The following SWT1 variants were observed in gnomAD, a reference collection of about 807,000 sequenced individuals.
SWT1 encodes SWT1 RNA endoribonuclease homolog, also known as transcriptional protein SWT1.
A neutral mutation model predicts 107.3 loss-of-function variants in SWT1; 33 were observed. The ratio of observed to expected loss-of-function variants is 0.31; its 90% CI spans 0.23 to 0.41. The LOEUF is 0.41. SWT1 is among the 10% of genes least tolerant of loss of function. SWT1 has a pLI of 1.00. For missense variants in SWT1, 898 were observed against 1,028.9 expected, an observed-to-expected ratio of 0.87 and a Z score of 1.74; for synonymous variants, 345 against 348.3, an observed-to-expected ratio of 0.99 and a Z score of 0.11.
chr1:185,184,395 T>C, intron 8 of SWT1, 51 bp downstream of exon 8: 2 of 1,092,440 alleles, frequency 1.8e-6, no homozygotes, highest in Non-Finnish European at 2.7e-6. Context: ...TGAGTTGATA[T>C]TTTATATTAA....
chr1:185,163,353 C>T (rs1654313622), intron 2 of SWT1, among the ~76,000 whole-genome samples: 1 of 149,928 alleles, frequency 6.7e-6, no homozygotes, highest in Admixed American at 6.6e-5. Context: ...AAACCAGTTT[C>T]ATTGCTCATT....
chr1:185,233,495 G>C (rs1660638517), intron 16 of SWT1, among the ~76,000 whole-genome samples: 1 of 152,152 alleles, frequency 6.6e-6, no homozygotes, highest in Admixed American at 6.5e-5. Context: ...ATTCTGGTAT[G>C]TTGTGTCTTT....
intron 14 of SWT1, among the ~76,000 whole-genome samples, chr1:185,215,054 T>C (rs1340244097): frequency 6.6e-6 from 1 of 152,248 alleles, no homozygotes; most frequent in Non-Finnish European, 1.5e-5. Context: ...TTGACAGTGT[T>C]ACTTGGTAAT....
intron 18 of SWT1, among the ~76,000 whole-genome samples, chr1:185,286,970 T>TA: frequency 6.6e-6 from 1 of 152,226 alleles, no homozygotes; most frequent in Non-Finnish European, 1.5e-5. Flanking sequence ...TATACTGCTT[T>TA]TATATTTGTA....
intron 10 of SWT1, among the ~76,000 whole-genome samples, chr1:185,191,767 A>AT (rs1354753615): frequency 6.6e-6 from 1 of 151,888 alleles, no homozygotes; most frequent in African/African-American, 2.4e-5. Flanking sequence ...TTATGTAATT[A>AT]TTTTTTTAGT....
chr1:185,281,152 C>T (rs776420504), intron 18 of SWT1: 9 of 248,294 alleles, frequency 3.6e-5, no homozygotes, highest in African/African-American at 1.1e-4. Context: ...TGGCACCACA[C>T]AGGCCATAAA....
intron 10 of SWT1, among the ~76,000 whole-genome samples, chr1:185,195,930 C>T (rs1188484387): frequency 6.6e-6 from 1 of 151,894 alleles, no homozygotes; most frequent in African/African-American, 2.4e-5. Context: ...AAATTTCTCA[C>T]ATTCTGTAGG....
chr1:185,284,321 T>C (rs1479690583), intron 18 of SWT1, among the ~76,000 whole-genome samples: 3 of 152,246 alleles, frequency 2.0e-5, no homozygotes, highest in Non-Finnish European at 4.4e-5. Flanking sequence ...TTTCTGTTAT[T>C]AGAATTCTTT....
At chr1:185,203,361 C>T (rs978543214) in intron 11 of SWT1, among the ~76,000 whole-genome samples, 2 of 152,116 alleles carry the variant, frequency 1.3e-5, no homozygotes, top group Admixed American at 6.6e-5. Context: ...CACTGGCTTA[C>T]GCCTGTAATC....
rs1281314646 is a variant in SWT1 at position 185,186,287 on chromosome 1, C to T, written c.1429+1356C>T. Among the ~76,000 whole-genome samples, 4 of 152,082 alleles carry T rather than the reference C, an allele frequency of 2.6e-5. 1 individual carries two copies. Among genetic ancestry groups the T allele is most frequent in the South Asian group, 4.1e-4 (2 of 4,834 alleles). On this transcript the variant is annotated intron_variant, in intron 9 of 18. Transcript: ENST00000367500. ...TCACTTCTAAGTTTAGAAAGTTACT[C>T]TCTCCCAACCCACTAGGAAGATTCA...
chr1:185,235,060 G>A (rs1660767947), intron 16 of SWT1, among the ~76,000 whole-genome samples: 1 of 152,140 alleles, frequency 6.6e-6, no homozygotes, highest in Admixed American at 6.5e-5. Context: ...TGAAATTGAG[G>A]CAGCAATTAA....
At chr1:185,185,165 G>A (rs977485643) in intron 9 of SWT1, among the ~76,000 whole-genome samples, 10 of 152,132 alleles carry the variant, frequency 6.6e-5, no homozygotes, top group Admixed American at 5.9e-4. Flanking sequence ...CTGTATAGTT[G>A]TGTATGCATA....
intron 16 of SWT1, among the ~76,000 whole-genome samples, chr1:185,234,600 G>A (rs1660730633): frequency 5.9e-5 from 9 of 152,044 alleles, no homozygotes. Flanking sequence ...GGGTCATTTA[G>A]CCCATTTACA....
chr1:185,161,092 A>G (rs1282716822), intron 2 of SWT1, among the ~76,000 whole-genome samples, 167 bp downstream of exon 2: 6 of 152,198 alleles, frequency 3.9e-5, no homozygotes, highest in Non-Finnish European at 7.4e-5. Flanking sequence ...TGTTTTATTT[A>G]TTCCTCACAA....
chr1:185,206,177 T>C (rs944514836), intron 12 of SWT1, among the ~76,000 whole-genome samples: 17 of 152,174 alleles, frequency 1.1e-4, no homozygotes, highest in Non-Finnish European at 5.9e-5. Context: ...CAGGCTGGTC[T>C]CGAACTCCTG....
intron 7 of SWT1, among the ~76,000 whole-genome samples, chr1:185,183,437 T>C (rs1656195346): frequency 6.6e-6 from 1 of 151,898 alleles, no homozygotes; most frequent in African/African-American, 2.4e-5. Flanking sequence ...ACTACAGGCG[T>C]GTGCCACCAT....
At chr1:185,210,520 A>G (rs1427364910) in intron 13 of SWT1, among the ~76,000 whole-genome samples, 3 of 152,152 alleles carry the variant, frequency 2.0e-5, no homozygotes, top group Admixed American at 6.5e-5. Context: ...GAAACTAGGT[A>G]TTGATGGAAC....
chr1:185,249,154 C>T (rs577090186), intron 16 of SWT1, among the ~76,000 whole-genome samples: 1 of 152,266 alleles, frequency 6.6e-6, no homozygotes, highest in African/African-American at 2.4e-5. Flanking sequence ...TCAAGTGAAA[C>T]GCCAATATGT....
chr1:185,191,309 A>T (rs958711626), intron 10 of SWT1, among the ~76,000 whole-genome samples: 1 of 152,176 alleles, frequency 6.6e-6, no homozygotes, highest in African/African-American at 2.4e-5. Flanking sequence ...TAAAACTAAG[A>T]TAATGCTAAA....
Sources: allele counts gnomAD v4.1 joint callset (sites outside exome capture counted in the v4.1 genomes callset), GRCh38; gene constraint gnomAD v4.1.1; transcripts MANE v1.5; gene names NCBI Gene and HGNC (gene_info 2026-07-23, HGNC 2026-07-21).